ABCC9: variants seen among roughly 807,000 people sequenced by gnomAD.
ABCC9 encodes the protein ATP-binding cassette sub-family C member 9.
Under a neutral mutation model 188.3 loss-of-function variants are expected in ABCC9, and 95 were observed. The observed-to-expected ratio is 0.50, with a 90% CI of 0.43 to 0.60. The LOEUF is 0.60. ABCC9 is among the 20% of genes least tolerant of loss of function. The pLI is 0.00. For synonymous variants in ABCC9, 659 were observed against 652.7 expected, an observed-to-expected ratio of 1.01 and a Z score of -0.15; for missense variants, 1,102 against 1,876.3, an observed-to-expected ratio of 0.59 and a Z score of 7.62.
chr12:21,817,066 TGA>T, intron 33 of ABCC9, 119 bp downstream of exon 33: 1 of 1,112,444 alleles, frequency 9.0e-7, no homozygotes, highest in Non-Finnish European at 1.3e-6. Context: ...AGCCAAGATA[TGA>T]GAGAGTTTTC....
At chr12:21,828,113 C>T (rs1233513376) in intron 31 of ABCC9, among the ~76,000 whole-genome samples, 2 of 152,050 alleles carry the variant, frequency 1.3e-5, no homozygotes, top group Non-Finnish European at 2.9e-5. Context: ...TTTTCAAAAC[C>T]GGCAAATACC....
chr12:21,807,280 T>TA (rs1941923231), intron 38 of ABCC9, 66 bp downstream of exon 38: 3 of 1,607,698 alleles, frequency 1.9e-6, no homozygotes, highest in Non-Finnish European at 2.6e-6. Context: ...CAGGAAATAA[T>TA]AAATTGTAAT....
intron 39 of ABCC9, chr12:21,805,169 A>G: frequency 1.2e-6 from 2 of 1,614,002 alleles, no homozygotes; most frequent in Non-Finnish European, 1.7e-6. Flanking sequence ...ATAGATCATG[A>G]TGGTCTACTT....
chr12:21,888,812 G>A (rs959350592), intron 14 of ABCC9, among the ~76,000 whole-genome samples: 4 of 152,034 alleles, frequency 2.6e-5, no homozygotes, highest in Non-Finnish European at 5.9e-5. Context: ...AATATGCTTT[G>A]TAAACATCAT....
intron 30 of ABCC9, among the ~76,000 whole-genome samples, chr12:21,829,992 A>G (rs1943664587): frequency 6.6e-6 from 1 of 152,186 alleles, no homozygotes; most frequent in Non-Finnish European, 1.5e-5. Flanking sequence ...TACACCCCCA[A>G]ATTCTGAAAT....
rs562061228 is a variant in ABCC9 at position 21,853,297 on chromosome 12, T to C, written c.2506-792A>G. On this transcript the variant is annotated intron_variant, in intron 22 of 39. Coordinates refer to ENST00000261200, the MANE Select transcript of ABCC9 (RefSeq NM_020297.4). ...GTGAGCCGAGATTGCGCCACTGCAC[T>C]CCAGCCTGGTGACAGAACGAGACTC... is the stretch of plus-strand genomic sequence containing the variant. Among the ~76,000 whole-genome samples the C allele has an allele frequency of 2.0e-5, 3 of 152,128 alleles. No homozygotes were observed. In the East Asian group the frequency reaches 5.8e-4, roughly 29 times the overall value.
At chr12:21,918,130 A>G (rs544080161) in intron 5 of ABCC9, among the ~76,000 whole-genome samples, 1 of 152,242 alleles carries the variant, frequency 6.6e-6, no homozygotes, top group South Asian at 2.1e-4. Context: ...TACAATGAAA[A>G]CAATTAAGCG....
chr12:21,911,920 T>C (rs1948344922), intron 8 of ABCC9, among the ~76,000 whole-genome samples: 1 of 138,596 alleles, frequency 7.2e-6, no homozygotes, highest in African/African-American at 2.7e-5. Flanking sequence ...TGCAAGGATC[T>C]GGGCTAAGCA....
chr12:21,864,565 C>A, intron 18 of ABCC9, 88 bp from the exon 19 acceptor site: 2 of 901,940 alleles, frequency 2.2e-6, no homozygotes, highest in South Asian at 2.7e-5. Context: ...ATACAATAAA[C>A]ACTGGACATA....
At chr12:21,858,219 T>G (rs986023662) in intron 22 of ABCC9, among the ~76,000 whole-genome samples, 1 of 151,980 alleles carries the variant, frequency 6.6e-6, no homozygotes. Context: ...TCAGGTTCAG[T>G]CAGTAATTGA....
intron 16 of ABCC9, among the ~76,000 whole-genome samples, chr12:21,878,724 C>T (rs1228129954): frequency 1.3e-5 from 2 of 151,732 alleles, no homozygotes; most frequent in Admixed American, 6.6e-5. Context: ...CTGAAAGTAG[C>T]AGGAAAGAAC....
chr12:21,920,752 A>C (rs1434177978), intron 5 of ABCC9, among the ~76,000 whole-genome samples: 4 of 151,704 alleles, frequency 2.6e-5, no homozygotes, highest in African/African-American at 9.7e-5. Context: ...CCATCATTCT[A>C]CTCTCTATCT....
intron 35 of ABCC9, among the ~76,000 whole-genome samples, chr12:21,813,950 G>A (rs186067550): frequency 3.3e-5 from 5 of 152,140 alleles, no homozygotes; most frequent in Non-Finnish European, 5.9e-5. Flanking sequence ...CAATAAGTTC[G>A]GTCAAATTCA....
chr12:21,816,027 T>A, intron 33 of ABCC9, 134 bp from the exon 34 acceptor site: 1 of 175,830 alleles, frequency 5.7e-6, no homozygotes, highest in Non-Finnish European at 1.1e-5. Context: ...TGAACCAAAC[T>A]ATGTGGCAGT....
chr12:21,836,328 C>A (rs2098574), intron 30 of ABCC9, among the ~76,000 whole-genome samples: 1 of 152,124 alleles, frequency 6.6e-6, no homozygotes, highest in Admixed American at 6.5e-5. Context: ...GCCCTTTGTG[C>A]ACTGGCCTCT....
intron 5 of ABCC9, among the ~76,000 whole-genome samples, chr12:21,922,165 C>T (rs1948846686): frequency 6.6e-6 from 1 of 151,930 alleles, no homozygotes; most frequent in Non-Finnish European, 1.5e-5. Flanking sequence ...GTAGTAAGGG[C>T]ATTTTAACAA....
chr12:21,918,556 G>A (rs189460461), intron 5 of ABCC9, among the ~76,000 whole-genome samples: 56 of 152,072 alleles, frequency 3.7e-4, no homozygotes, highest in African/African-American at 1.3e-3. Context: ...ATTTTCTATC[G>A]CTACTTAACA....
chr12:21,875,570 A>T, intron 17 of ABCC9, 84 bp downstream of exon 17: 1 of 1,010,524 alleles, frequency 9.9e-7, no homozygotes, highest in Non-Finnish European at 1.5e-6. Flanking sequence ...TTTAAAAAGT[A>T]TCTTTTTGTT....
chr12:21,934,000 G>A (rs527823291), intron 3 of ABCC9, 77 bp from the exon 4 acceptor site: 13 of 1,554,536 alleles, frequency 8.4e-6, no homozygotes, highest in Non-Finnish European at 1.1e-5. Flanking sequence ...TTTAAATTAT[G>A]ATAAGCTTTA....
Sources: gnomAD v4.1 joint callset for allele counts (sites outside exome capture counted in the v4.1 genomes callset) on GRCh38, gnomAD v4.1.1 for gene constraint, MANE v1.5 for transcripts, NCBI Gene and HGNC (gene_info 2026-07-23, HGNC 2026-07-21) for gene names.